CSMD1: variants seen among roughly 807,000 people sequenced by gnomAD.
CSMD1 encodes CUB and Sushi multiple domains 1.
Under a neutral mutation model 417.5 loss-of-function variants are expected in CSMD1, and 213 were observed. That is an observed-to-expected ratio of 0.51 (90% CI 0.46 to 0.57). The LOEUF is 0.57. CSMD1 is among the 20% of genes least tolerant of loss of function. The pLI, the probability that CSMD1 is intolerant of heterozygous loss-of-function variation, is 0.00. For missense variants in CSMD1, 6,923 were observed against 4,529.7 expected (o/e 1.53, Z -15.17); for synonymous variants, 2,862 against 1,736.8 (o/e 1.65, Z -16.11).
At chr8:4,084,523 C>T (rs1157043155) in intron 3 of CSMD1, among the ~76,000 whole-genome samples, 1 of 151,748 alleles carries the variant, frequency 6.6e-6, no homozygotes, top group East Asian at 1.9e-4. Context: ...TTTATTTTTC[C>T]TTACTTCCTC....
intron 3 of CSMD1, among the ~76,000 whole-genome samples, chr8:4,387,768 G>C (rs539562378): frequency 4.0e-5 from 6 of 151,842 alleles, no homozygotes; most frequent in Non-Finnish European, 5.9e-5. Flanking sequence ...CCTATCTGAA[G>C]GCTTATGAGA....
At chr8:3,183,127 G>C (rs1162322064) in intron 36 of CSMD1, 3 of 148,346 alleles carry the variant, frequency 2.0e-5, no homozygotes, top group East Asian at 4.0e-4. Flanking sequence ...GAAACATCGA[G>C]TAGGTCTCTA....
rs1798073241 is a variant in CSMD1 at position 3,219,411 on chromosome 8, G to A, written c.4516C>T (p.His1506Tyr). 5 of 1,537,906 alleles carry A rather than the reference G, an allele frequency of 3.3e-6. 1 individual carries two copies. Among genetic ancestry groups the A allele is most frequent in the South Asian group, 2.5e-5 (2 of 81,138 alleles). ...FNMEPSYDFLHIYEGEDSNSP... is the reference protein window; with the variant it reads ...FNMEPSYDFLYIYEGEDSNSP... Reference sequence around the variant, plus strand: ...TTGGAATCTTCCCCTTCATAGATGTGTAGGAAGTCATAGCTGGGCTCCATG... The same window carrying A: ...TTGGAATCTTCCCCTTCATAGATGTATAGGAAGTCATAGCTGGGCTCCATG... Residue 1506 changes from histidine (H) to tyrosine (Y), a missense_variant, in exon 29 of 70, where the codon CAC (histidine) becomes TAC (tyrosine). By Grantham distance (83) the His-to-Tyr change is moderately conservative (BLOSUM62 2). Coordinates refer to ENST00000635120, the MANE Select transcript of CSMD1 (RefSeq NM_033225.6).
intron 37 of CSMD1, among the ~76,000 whole-genome samples, chr8:3,168,123 G>C (rs571406465): frequency 2.0e-5 from 3 of 152,132 alleles, no homozygotes; most frequent in South Asian, 2.1e-4. Flanking sequence ...GAGAGTGAGG[G>C]AAGCAGACCC....
rs558203211 is a variant in CSMD1 at position 3,022,617 on chromosome 8, T to C, written c.7856-3967A>G. Among the ~76,000 whole-genome samples the C allele has an allele frequency of 3.9e-5, 6 of 152,190 alleles. No homozygotes were observed. The South Asian group carries it at 1.2e-3, about 32-fold the overall frequency. ...GCACTCCTATCAGAAATATGAATAT[T>C]ACTTGTGAGTGTGACAAATAAACAT... is the stretch of plus-strand genomic sequence containing the variant. On this transcript the variant is annotated intron_variant, in intron 51 of 69. Transcript: ENST00000635120.
chr8:4,113,004 G>T (rs757935727), intron 3 of CSMD1, among the ~76,000 whole-genome samples: 1 of 152,062 alleles, frequency 6.6e-6, no homozygotes, highest in Non-Finnish European at 1.5e-5. Flanking sequence ...TATCTGTTAT[G>T]GTAATCAGTG....
intron 23 of CSMD1, among the ~76,000 whole-genome samples, chr8:3,336,032 G>C (rs1052508921): frequency 6.6e-6 from 1 of 152,124 alleles, no homozygotes. Context: ...TCTCCCATAG[G>C]ACTGTGTTGA....
intron 7 of CSMD1, among the ~76,000 whole-genome samples, chr8:3,685,756 G>C (rs115175199): frequency 0.016 from 2,466 of 151,774 alleles, 66 homozygotes; most frequent in African/African-American, 0.056. Flanking sequence ...ATGTTTTATT[G>C]CTTTATTTTT....
intron 52 of CSMD1, among the ~76,000 whole-genome samples, chr8:3,007,553 A>C (rs1031361635): frequency 6.6e-6 from 1 of 151,566 alleles, no homozygotes; most frequent in Non-Finnish European, 1.5e-5. Context: ...TGGATTAAGA[A>C]AATGTGGCAC....
At chr8:4,401,562 G>C (rs1000616830) in intron 3 of CSMD1, among the ~76,000 whole-genome samples, 2 of 152,046 alleles carry the variant, frequency 1.3e-5, no homozygotes, top group African/African-American at 4.8e-5. Flanking sequence ...TGTTTGCTTT[G>C]AGCCTGTCTA....
At chr8:4,175,467 A>G (rs1034478140) in intron 3 of CSMD1, among the ~76,000 whole-genome samples, 1 of 152,164 alleles carries the variant, frequency 6.6e-6, no homozygotes, top group African/African-American at 2.4e-5. Flanking sequence ...TAGCAAAAGC[A>G]TCCAAAATTG....
intron 3 of CSMD1, among the ~76,000 whole-genome samples, chr8:4,251,674 G>C (rs939524060): frequency 6.6e-6 from 1 of 152,228 alleles, no homozygotes; most frequent in Middle Eastern, 3.4e-3. Flanking sequence ...GTCTGGGATT[G>C]GTGGGGAGCA....
chr8:4,408,658 A>T (rs1393297718), intron 3 of CSMD1, among the ~76,000 whole-genome samples: 3 of 152,196 alleles, frequency 2.0e-5, no homozygotes, highest in Non-Finnish European at 2.9e-5. Context: ...TTGATCAATT[A>T]AATCAATAGT....
At chr8:4,294,121 C>G (rs1316729814) in intron 3 of CSMD1, among the ~76,000 whole-genome samples, 1 of 152,118 alleles carries the variant, frequency 6.6e-6, no homozygotes, top group Non-Finnish European at 1.5e-5. Flanking sequence ...AGTAATGTGG[C>G]AATGACACTG....
intron 50 of CSMD1, among the ~76,000 whole-genome samples, chr8:3,052,181 T>A (rs1376496636): frequency 1.3e-5 from 2 of 152,214 alleles, no homozygotes; most frequent in African/African-American, 2.4e-5. Flanking sequence ...CCCTCCAGAT[T>A]GAAAATGGCA....
At chr8:4,063,177 A>C (rs1799069846) in intron 3 of CSMD1, among the ~76,000 whole-genome samples, 1 of 152,286 alleles carries the variant, frequency 6.6e-6, no homozygotes, top group South Asian at 2.1e-4. Context: ...TGTTGACAGT[A>C]ATGGATATCA....
chr8:4,035,662 C>A (rs1797578134), intron 3 of CSMD1, among the ~76,000 whole-genome samples: 2 of 151,984 alleles, frequency 1.3e-5, no homozygotes, highest in East Asian at 1.9e-4. Context: ...TTATGAATAA[C>A]AATATAAATG....
intron 1 of CSMD1, among the ~76,000 whole-genome samples, chr8:4,658,345 A>T (rs1238446539): frequency 1.3e-5 from 2 of 152,118 alleles, no homozygotes; most frequent in Admixed American, 1.3e-4. Context: ...AATTTTAAAG[A>T]TGGCAAGACA....
At chr8:4,641,727 A>G (rs993923621) in intron 1 of CSMD1, among the ~76,000 whole-genome samples, 7 of 152,206 alleles carry the variant, frequency 4.6e-5, no homozygotes, top group Non-Finnish European at 1.0e-4. Flanking sequence ...GTCATAACAT[A>G]TATCACAATA....
Sources: allele counts gnomAD v4.1 joint callset (sites outside exome capture counted in the v4.1 genomes callset), GRCh38; gene constraint gnomAD v4.1.1; transcripts MANE v1.5; gene names NCBI Gene and HGNC (gene_info 2026-07-23, HGNC 2026-07-21).